The following LMF1 variants were observed in gnomAD, a reference collection of about 807,000 sequenced individuals.
LMF1 encodes transmembrane protein 112.
In LMF1, 68 loss-of-function variants were observed where a neutral mutation model predicts 60.6. The observed-to-expected ratio is 1.12, with a 90% CI of 0.92 to 1.37. The LOEUF (loss-of-function observed/expected upper bound fraction) is 1.37. Among genes scored for constraint, LMF1 ranks in the 40% most tolerant of loss-of-function variants. The pLI is 0.00. For synonymous variants in LMF1, 418 were observed against 324.7 expected, an observed-to-expected ratio of 1.29 and a Z score of -3.09; for missense variants, 948 against 767.2, an observed-to-expected ratio of 1.24 and a Z score of -2.78.
rs2072825026 is a variant in LMF1 at position 962,293 on chromosome 16, TG to T, written c.194-7628del. The stretch of plus-strand genomic sequence containing the variant: ...GATCACGACCCAGAGGGAAAATAAA[TG>T]GGCGTGGGTCCATAGTGACAAAATC... On this transcript the variant is annotated intron_variant, in intron 1 of 10. Coordinates refer to ENST00000262301, the MANE Select transcript of LMF1 (RefSeq NM_022773.4). The surrounding 1 kb of genome is among the most constrained non-coding windows in gnomAD (Gnocchi z 4.5). 2.0e-5 allele frequency among the ~76,000 whole-genome samples: 3 copies of T among 151,700 alleles called. No homozygotes were observed. Among genetic ancestry groups the T allele is most frequent in the Non-Finnish European group, 2.9e-5 (2 of 68,018 alleles).
rs536515830 is a variant in LMF1 at position 936,988 on chromosome 16, C to T, written c.504-2734G>A. Among the ~76,000 whole-genome samples, 117 of 152,234 alleles carry T rather than the reference C, an allele frequency of 7.7e-4. 1 individual carries two copies. In the Middle Eastern group the frequency reaches 0.014, roughly 18 times the overall value. On this transcript the variant is annotated intron_variant, in intron 2 of 10. Coordinates refer to ENST00000262301, the MANE Select transcript of LMF1 (RefSeq NM_022773.4). ...TCCTAGCTAAAAAGACGCAGCCTCACGCTTTTATCAGAAGGGACCAAGGCC... is the reference window on the plus strand; with the variant it reads ...TCCTAGCTAAAAAGACGCAGCCTCATGCTTTTATCAGAAGGGACCAAGGCC...
chr16:973,460 G>A (rs972949810), upstream of LMF1, among the ~76,000 whole-genome samples: 2 of 152,212 alleles, frequency 1.3e-5, no homozygotes, highest in African/African-American at 2.4e-5. Context: ...CATGAGTTGC[G>A]TGAGCCCATT....
At position 870,166 on chromosome 16, in the gene LMF1, AG is replaced by A. The variant is rs370823606; in HGVS notation, c.1233-101del. On this transcript the variant is annotated intron_variant, in intron 8 of 10. Coordinates refer to ENST00000262301, the MANE Select transcript of LMF1 (RefSeq NM_022773.4). ...GTTCCCCGACTGTCCATCCTGGCCC[AG>A]GGGGAGGGCTACAGCCTCCACCTGC... The A allele has an allele frequency of 1.6e-3, 2,214 of 1,355,876 alleles. 13 individuals carry two copies. Among genetic ancestry groups the A allele is most frequent in the African/African-American group, 9.1e-3 (637 of 70,152 alleles). 84.0% of individuals were successfully genotyped at this position (1,355,876 alleles called of 1,614,324 possible). A position where few individuals can be genotyped will look rare whatever the true frequency, so the allele number is the denominator to read the frequency against.
At chr16:951,991 G>A (rs1407187930) in intron 2 of LMF1, among the ~76,000 whole-genome samples, 11 of 151,854 alleles carry the variant, frequency 7.2e-5, no homozygotes, top group African/African-American at 2.4e-4. Context: ...GCAGACTCCC[G>A]TGAGAGCGCC....
At chr16:969,407 G>A (rs2072993330) in intron 1 of LMF1, among the ~76,000 whole-genome samples, 1 of 152,190 alleles carries the variant, frequency 6.6e-6, no homozygotes, top group South Asian at 2.1e-4. Flanking sequence ...AATCCCACAG[G>A]AAACCTTGTA....
chr16:941,807 G>C (rs570876221), intron 2 of LMF1, among the ~76,000 whole-genome samples: 2 of 152,140 alleles, frequency 1.3e-5, no homozygotes, highest in African/African-American at 2.4e-5. Context: ...ATATTTTCTC[G>C]CTTCACGTAG....
chr16:892,679 G>A (rs951530464), intron 5 of LMF1, among the ~76,000 whole-genome samples: 7 of 152,232 alleles, frequency 4.6e-5, no homozygotes, highest in Admixed American at 1.3e-4. Flanking sequence ...GTCAGGGGAC[G>A]GTGGGGAGCT....
At chr16:870,982 G>T (rs1596864161) in intron 7 of LMF1, 100 bp from the exon 8 acceptor site, 1 of 1,461,632 alleles carries the variant, frequency 6.8e-7, no homozygotes, top group South Asian at 1.3e-5. Context: ...CAGCTGTCCT[G>T]GGTCCCGGGG....
intron 4 of LMF1, chr16:899,181 G>C (rs1388367236): frequency 6.6e-6 from 1 of 152,244 alleles, no homozygotes; most frequent in Non-Finnish European, 1.5e-5. Context: ...GAGCACCCCG[G>C]CTCCTGCCCC....
At position 854,523 on chromosome 16, in the gene LMF1, G is replaced by T; in HGVS notation, c.*9C>A. 1 of 1,604,470 alleles carries T rather than the reference G, an allele frequency of 6.2e-7. No individual in the cohort carries two copies. The stretch of plus-strand genomic sequence containing the variant: ...GGGCTGGGTCTTCGCCTTTATTTCT[G>T]GTGCACGTCTAGAGGGGCCCGGGCA... On this transcript the variant is annotated 3_prime_UTR_variant, in exon 11 of 11. Coordinates refer to ENST00000262301, the MANE Select transcript of LMF1 (RefSeq NM_022773.4).
At chr16:966,395 C>T (rs2072923259) in intron 1 of LMF1, among the ~76,000 whole-genome samples, 1 of 152,234 alleles carries the variant, frequency 6.6e-6, no homozygotes, top group Admixed American at 6.5e-5. Context: ...GGACTCGGCC[C>T]CCACAAACAC....
intron 4 of LMF1, chr16:898,964 ATCGC>A (rs1208229902): frequency 6.6e-6 from 1 of 152,206 alleles, no homozygotes; most frequent in Non-Finnish European, 1.5e-5. Flanking sequence ...TTACCGGGAG[ATCGC>A]TTGAGCTGAA....
intron 4 of LMF1, chr16:899,167 C>T (rs555497472): frequency 2.0e-5 from 3 of 152,338 alleles, no homozygotes; most frequent in South Asian, 4.1e-4. Flanking sequence ...GCTTCAGCCG[C>T]GAGGAGCACC....
chr16:878,326 A>G lies in LMF1; in HGVS notation c.897+1244T>C, dbSNP rs7193745. Among the ~76,000 whole-genome samples, 724 of 152,170 alleles carry G rather than the reference A, an allele frequency of 4.8e-3. 8 individuals carry two copies. The highest frequency in any genetic ancestry group is 0.016 in the African/African-American group (682 of 41,512). On this transcript the variant is annotated intron_variant, in intron 6 of 10. Transcript: ENST00000262301. The surrounding 1 kb of genome is among the most constrained non-coding windows in gnomAD (Gnocchi z 5.2). ...CTGATGGGCACCGGTGCCAGCCTCC[A>G]AGCAGCTAACGCGGAAAAGCCCGAG... is the stretch of plus-strand genomic sequence containing the variant.
At chr16:870,409 C>T (rs1242284313) in intron 8 of LMF1, among the ~76,000 whole-genome samples, 3 of 152,226 alleles carry the variant, frequency 2.0e-5, no homozygotes, top group Admixed American at 6.5e-5. Flanking sequence ...GTTCAGGTGG[C>T]ACTACCTGGC....
chr16:913,524 C>T (rs540421350), intron 3 of LMF1, among the ~76,000 whole-genome samples: 1 of 152,346 alleles, frequency 6.6e-6, no homozygotes, highest in Non-Finnish European at 1.5e-5. Context: ...TGCCCCGATG[C>T]TGGTGCGGAG....
chr16:937,866 A>G (rs750026496), intron 2 of LMF1, among the ~76,000 whole-genome samples: 88 of 152,088 alleles, frequency 5.8e-4, no homozygotes, highest in Non-Finnish European at 3.4e-4. Flanking sequence ...GTAGGGACTT[A>G]ATCATGAACC....
At chr16:951,520 G>C (rs762238635) in intron 2 of LMF1, among the ~76,000 whole-genome samples, 1 of 152,238 alleles carries the variant, frequency 6.6e-6, no homozygotes, top group African/African-American at 2.4e-5. Context: ...AAATCACTTA[G>C]AGTTTTATGC....
At chr16:893,730 C>T (rs1327663034) in intron 4 of LMF1, among the ~76,000 whole-genome samples, 5 of 152,152 alleles carry the variant, frequency 3.3e-5, no homozygotes, top group East Asian at 3.9e-4. Context: ...GGGGAAGGGT[C>T]GGCTCCCACA....
Sources: gnomAD v4.1 joint callset for allele counts (sites outside exome capture counted in the v4.1 genomes callset) on GRCh38, gnomAD v4.1.1 for gene constraint, Gnocchi (gnomAD v3.1) non-coding constraint, MANE v1.5 for transcripts, NCBI Gene and HGNC (gene_info 2026-07-23, HGNC 2026-07-21) for gene names.